Variants in EPHA2 observed in about 807,000 individuals in gnomAD.
The protein encoded by EPHA2 is ephrin type-A receptor 2.
A neutral mutation model predicts 104.9 loss-of-function variants in EPHA2; 54 were observed. The ratio of observed to expected loss-of-function variants is 0.51; its 90% CI spans 0.41 to 0.65. EPHA2 has a LOEUF of 0.65. Among genes scored for constraint, EPHA2 ranks in the 30% least tolerant of loss-of-function variants. EPHA2 has a pLI of 0.00. For missense variants in EPHA2, 1,117 were observed against 1,369.5 expected (o/e 0.82, Z 2.91); for synonymous variants, 560 against 559.1 (o/e 1.00, Z -0.02).
At chr1:16,139,806 C>A (rs1023697159) in intron 3 of EPHA2, among the ~76,000 whole-genome samples, 1 of 152,136 alleles carries the variant, frequency 6.6e-6, no homozygotes, top group Non-Finnish European at 1.5e-5. Flanking sequence ...CCTTCAATGC[C>A]AGGCCAAGAA....
chr1:16,134,442 G>A lies in EPHA2; in HGVS notation c.1682+26C>T. ...CCATTTTCCCACCCAAGCCCATGTG[G>A]AGCCAGGGTATGGGCTCTGACGAAC... is the stretch of plus-strand genomic sequence containing the variant. On this transcript the variant is annotated intron_variant, in intron 8 of 16. Coordinates refer to ENST00000358432, the MANE Select transcript of EPHA2 (RefSeq NM_004431.5). This position sits in a 1 kb window ranked among gnomAD's most constrained non-coding sequence, Gnocchi z 4.5. 1 of 1,611,104 alleles carries A rather than the reference G, an allele frequency of 6.2e-7. No homozygotes were observed. The highest frequency in any genetic ancestry group is 8.5e-7 in the Non-Finnish European group (1 of 1,177,492).
In EPHA2 at chr1:16,125,935, T is replaced by C. The variant is rs2024457569; in HGVS notation, c.2826-615A>G. 6.6e-6 allele frequency among the ~76,000 whole-genome samples: 1 copy of C among 152,156 alleles called. No individual in the cohort carries two copies. The highest frequency in any genetic ancestry group is 1.5e-5 in the Non-Finnish European group (1 of 68,022). ...CACTGCTGATCATGAAGGAAGGACT[T>C]GGGAAATACTTGAAGGGTTAAACTT... On this transcript the variant is annotated intron_variant, in intron 16 of 16. Transcript: ENST00000358432. This position sits in a 1 kb window ranked among gnomAD's most constrained non-coding sequence, Gnocchi z 4.9.
rs1213040926 is a variant in EPHA2 at position 16,132,373 on chromosome 1, C to G, written c.2115+5G>C. ...ATCCCCGCCCCCTACAACCCACATC[C>G]TTACCCGAAGGAACTTGTCCAGGGC... On this transcript the variant is annotated splice_donor_5th_base_variant and intron_variant, in intron 12 of 16. Transcript: ENST00000358432. 6.2e-7 allele frequency: 1 copy of G among 1,614,168 alleles called. No homozygotes were observed. The highest frequency in any genetic ancestry group is 1.7e-5 in the Admixed American group (1 of 60,032).
Position 16,148,657 on chromosome 1 carries a change from A to T in EPHA2, c.544T>A (p.Phe182Ile). Residue 182 changes from phenylalanine (F) to isoleucine (I), a missense_variant, in exon 3 of 17, where the codon TTC becomes ATC. Phe to Ile is a conservative substitution (Grantham distance 21). Coordinates refer to ENST00000358432, the MANE Select transcript of EPHA2 (RefSeq NM_004431.5). This position sits in a 1 kb window ranked among gnomAD's most constrained non-coding sequence, Gnocchi z 4.9. Reference sequence around the variant, plus strand: ...GCCACACAGGCACCGATATCCTGGAAGGCCAGGTAGAAGCCTTTGCGGGTG... The same window carrying T: ...GCCACACAGGCACCGATATCCTGGATGGCCAGGTAGAAGCCTTTGCGGGTG... Reference protein sequence around the residue: ...PLTRKGFYLAFQDIGACVALL... With the variant: ...PLTRKGFYLAIQDIGACVALL... The T allele has an allele frequency of 6.2e-7, 1 of 1,609,700 alleles. No individual in the cohort carries two copies. The highest frequency in any genetic ancestry group is 8.5e-7 in the Non-Finnish European group (1 of 1,180,010).
At chr1:16,142,488 CAGAT>C (rs1396172210) in intron 3 of EPHA2, among the ~76,000 whole-genome samples, 2 of 152,036 alleles carry the variant, frequency 1.3e-5, no homozygotes, top group Non-Finnish European at 1.5e-5. Flanking sequence ...GATGGACAGA[CAGAT>C]GGATGGATGG....
chr1:16,146,886 T>C (rs2124256099), intron 3 of EPHA2, among the ~76,000 whole-genome samples: 1 of 152,320 alleles, frequency 6.6e-6, no homozygotes, highest in African/African-American at 2.4e-5. Context: ...TGTTGAACTT[T>C]CTCATTTTAC....
rs2025017450 is a variant in EPHA2, at chr1:16,150,700, T to C, written c.153+196A>G. ...GGCTTACACCCACACCCTCGTACCTTCCCACGCCCATCCAGCCCTGGCCTG... is the reference window on the plus strand; with the variant it reads ...GGCTTACACCCACACCCTCGTACCTCCCCACGCCCATCCAGCCCTGGCCTG... On this transcript the variant is annotated intron_variant, in intron 2 of 16. Transcript: ENST00000358432. The surrounding 1 kb of genome is among the most constrained non-coding windows in gnomAD (Gnocchi z 4.8). Among the ~76,000 whole-genome samples, 1 of 152,092 alleles carries C rather than the reference T, an allele frequency of 6.6e-6. No homozygotes were observed. The highest frequency in any genetic ancestry group is 2.1e-4 in the South Asian group (1 of 4,830).
intron 11 of EPHA2, 32 bp downstream of exon 11, chr1:16,133,148 T>C: frequency 1.2e-6 from 2 of 1,611,590 alleles, no homozygotes; most frequent in Non-Finnish European, 1.7e-6. Flanking sequence ...GTGGCCCCTC[T>C]CCACCCAGTG....
intron 1 of EPHA2, among the ~76,000 whole-genome samples, chr1:16,154,181 T>C (rs2124277177): frequency 6.6e-6 from 1 of 152,152 alleles, no homozygotes; most frequent in East Asian, 1.9e-4. Context: ...AGGCCTATAG[T>C]GATTCCAGCT....
In EPHA2 at chr1:16,148,968, T is replaced by G; in HGVS notation, c.233A>C (p.Asp78Ala). ...SVCNVMSGDQ[D>A]NWLRTNWVYR... ...CACCCAGTTGGTGCGGAGCCAGTTG[T>G]CCTGGTCGCCAGACATCACGTTGCA... The change falls in exon 3 of 17, where the codon GAC becomes GCC. Residue 78 changes from aspartate to alanine, a missense_variant. Coordinates refer to ENST00000358432, the MANE Select transcript of EPHA2 (RefSeq NM_004431.5). This position sits in a 1 kb window ranked among gnomAD's most constrained non-coding sequence, Gnocchi z 4.9. 4 of 1,614,146 alleles carry G rather than the reference T, an allele frequency of 2.5e-6. No individual in the cohort carries two copies. Among genetic ancestry groups the G allele is most frequent in the Non-Finnish European group, 3.4e-6 (4 of 1,180,052 alleles).
At chr1:16,133,628 T>A (rs776279662) in intron 9 of EPHA2, 22 bp from the exon 10 acceptor site, 1 of 1,613,344 alleles carries the variant, frequency 6.2e-7, no homozygotes, top group Non-Finnish European at 8.5e-7. Flanking sequence ...AGGGGTGGGG[T>A]CACAGGCAGC....
Position 16,150,781 on chromosome 1 carries a change from CT to C in EPHA2, c.153+114del. 2.5e-6 allele frequency: 3 copies of C among 1,192,674 alleles called. No homozygotes were observed. The highest frequency in any genetic ancestry group is 3.7e-6 in the Non-Finnish European group (3 of 810,124). The allele number at this position is 1,192,674 out of a possible 1,614,324, so 73.9% of individuals were successfully genotyped here. Reference sequence around the variant, plus strand: ...GCTGGACCCTGAGCCTGAGACCTGGCTGAGCTGCTGAATTGAAGCCAGGCCC... The same window carrying C: ...GCTGGACCCTGAGCCTGAGACCTGGCGAGCTGCTGAATTGAAGCCAGGCCC... On this transcript the variant is annotated intron_variant, in intron 2 of 16. Transcript: ENST00000358432. This position sits in a 1 kb window ranked among gnomAD's most constrained non-coding sequence, Gnocchi z 4.8.
In EPHA2 at chr1:16,134,549, T is replaced by C. The variant is rs1273714164; in HGVS notation, c.1601A>G (p.Asn534Ser). 1.9e-6 allele frequency: 3 copies of C among 1,613,874 alleles called. No homozygotes were observed. The African/African-American group carries it at 4.0e-5, about 22-fold the overall frequency. ...AGCCACGCCGCCAATCACCGCCAAG[T>C]TGCCAGATCCCTCCGGGGCTGGTGG... ...FQTLSPEGSG[N>S]LAVIGGVAVG... The change falls in exon 8 of 17, where the codon AAC (asparagine) becomes AGC (serine). Residue 534 changes from asparagine (N) to serine (S), a missense_variant. Asn to Ser is a conservative substitution (Grantham distance 46). This residue lies in a region of EPHA2 where 664 missense variants were observed against 784.8 expected (regional missense o/e 0.85). Transcript: ENST00000358432. This position sits in a 1 kb window ranked among gnomAD's most constrained non-coding sequence, Gnocchi z 4.5.
chr1:16,138,452 G>A (rs767105253), intron 3 of EPHA2, 22 bp from the exon 4 acceptor site: 10 of 1,613,166 alleles, frequency 6.2e-6, no homozygotes, highest in Non-Finnish European at 8.5e-6. Context: ...AGGACAGACA[G>A]AGCACAAGGA....
In EPHA2 at chr1:16,125,287, G is replaced by C. The variant is rs777111449; in HGVS notation, c.2859C>G (p.Gly953=). 1 of 1,613,642 alleles carries C rather than the reference G, an allele frequency of 6.2e-7. No homozygotes were observed. The highest frequency in any genetic ancestry group is 8.5e-7 in the Non-Finnish European group (1 of 1,179,906). The part of the protein sequence containing the change: ...DIKRIGVRLP[G]HQKRIAYSLL... ...GGCTGTAGGCGATGCGCTTCTGGTG[G>C]CCGGGCAGCCGCACCCCAATCCTCT... The change falls in exon 17 of 17, where the codon GGC becomes GGG. Residue 953 remains glycine (G), a synonymous_variant. Transcript: ENST00000358432. The surrounding 1 kb of genome is among the most constrained non-coding windows in gnomAD (Gnocchi z 4.9).
In EPHA2 at chr1:16,155,861, C is replaced by A; in HGVS notation, c.72G>T (p.Ala24=). 4 of 1,455,876 alleles carry A rather than the reference C, an allele frequency of 2.7e-6. No homozygotes were observed. Among genetic ancestry groups the A allele is most frequent in the Non-Finnish European group, 3.6e-6 (4 of 1,110,152 alleles). 90.2% of individuals were successfully genotyped at this position (1,455,876 alleles called of 1,614,324 possible). Residue 24 remains alanine, a synonymous_variant, in exon 1 of 17, where the codon GCG becomes GCT. Transcript: ENST00000358432. ...GCGCGCACTCACCTTCCTTGCCCTG[C>A]GCCGCCGCGGCCGCGGCCAGCGCAC... ...WGCALAAAAA[A]QGKEVVLLDF...
chr1:16,142,303 T>G (rs745908795), intron 3 of EPHA2, among the ~76,000 whole-genome samples: 2 of 152,240 alleles, frequency 1.3e-5, no homozygotes, highest in African/African-American at 4.8e-5. Context: ...GTGAGACAGA[T>G]AAACACTGTT....
At chr1:16,136,113 C>T (rs1306130303) in intron 5 of EPHA2, among the ~76,000 whole-genome samples, 1 of 151,938 alleles carries the variant, frequency 6.6e-6, no homozygotes, top group African/African-American at 2.4e-5. Context: ...TCAAGCAATC[C>T]TCCTGCCTCA....
At position 16,134,747 on chromosome 1, in the gene EPHA2, C is replaced by T. The variant is rs1332948163; in HGVS notation, c.1583-180G>A. ...AGCGGAGGCCTTCCCGAAGGTCTCA[C>T]GGGAGGTATTGCAGGTATGTGGGGC... On this transcript the variant is annotated intron_variant, in intron 7 of 16. Coordinates refer to ENST00000358432, the MANE Select transcript of EPHA2 (RefSeq NM_004431.5). This position sits in a 1 kb window ranked among gnomAD's most constrained non-coding sequence, Gnocchi z 4.5. 6.6e-6 allele frequency among the ~76,000 whole-genome samples: 1 copy of T among 152,150 alleles called. No individual in the cohort carries two copies. The highest frequency in any genetic ancestry group is 1.9e-4 in the East Asian group (1 of 5,192).
Sources: allele counts gnomAD v4.1 joint callset (sites outside exome capture counted in the v4.1 genomes callset), GRCh38; gene constraint gnomAD v4.1.1; regional missense constraint gnomAD v4.1.1; non-coding constraint Gnocchi (gnomAD v3.1); transcripts MANE v1.5; gene names NCBI Gene and HGNC (gene_info 2026-07-23, HGNC 2026-07-21).